The following EYS variants were observed in gnomAD, a reference collection of about 807,000 sequenced individuals.
EYS encodes the protein EGF-like photoreceptor maintenance factor.
Under a neutral mutation model 282.1 loss-of-function variants are expected in EYS, and 250 were observed. The observed-to-expected ratio is 0.89, with a 90% confidence interval of 0.80 to 0.98. The LOEUF is 0.98. Among genes scored for constraint, EYS ranks in the 50% least tolerant of loss-of-function variants. The pLI is 0.00. For synonymous variants in EYS, 1,355 were observed against 1,282.9 expected, an observed-to-expected ratio of 1.06 and a Z score of -1.20; for missense variants, 4,016 against 3,709.0, an observed-to-expected ratio of 1.08 and a Z score of -2.15.
At chr6:65,580,597 A>ATTAATT (rs1764833837) in intron 2 of EYS, among the ~76,000 whole-genome samples, 1 of 152,094 alleles carries the variant, frequency 6.6e-6, no homozygotes, top group African/African-American at 2.4e-5. Flanking sequence ...GCATTCTTTG[A>ATTAATT]AGCAATTATT....
chr6:64,074,591 T>G (rs1294688197), intron 32 of EYS, among the ~76,000 whole-genome samples: 1 of 151,710 alleles, frequency 6.6e-6, no homozygotes, highest in South Asian at 2.1e-4. Flanking sequence ...CAATTTGAAT[T>G]GAGATCATTT....
At chr6:64,116,649 G>A (rs930724207) in intron 31 of EYS, among the ~76,000 whole-genome samples, 3 of 152,098 alleles carry the variant, frequency 2.0e-5, no homozygotes, top group Non-Finnish European at 4.4e-5. Flanking sequence ...CAGTTTGAAG[G>A]ACTGAAAGAT....
Position 65,495,278 on chromosome 6 carries a change from G to A in EYS, c.133C>T (p.Leu45=), listed in dbSNP as rs45611538. Residue 45 remains leucine (L), a synonymous_variant, in exon 4 of 43, where the codon CTA becomes TTA. Coordinates refer to ENST00000503581, the MANE Select transcript of EYS (RefSeq NM_001142800.2). ...AAGTCCAAGCAGATGTTTTCTGTTAGTGTCCAATTTACCACATATGATGAG... is the reference window on the plus strand; with the variant it reads ...AAGTCCAAGCAGATGTTTTCTGTTAATGTCCAATTTACCACATATGATGAG... ...QPSSYVVNWT[L]TENICLDFYR... 17 of 1,614,144 alleles carry A rather than the reference G, an allele frequency of 1.1e-5. No individual in the cohort carries two copies. Among genetic ancestry groups the A allele is most frequent in the Non-Finnish European group, 1.4e-5 (16 of 1,180,022 alleles).
At chr6:65,320,261 A>T (rs1351243851) in intron 11 of EYS, among the ~76,000 whole-genome samples, 2 of 151,736 alleles carry the variant, frequency 1.3e-5, no homozygotes, top group African/African-American at 4.8e-5. Context: ...TCCAAAAGGA[A>T]TAGAAAGTGC....
At chr6:65,599,808 G>A (rs541916818) in intron 2 of EYS, among the ~76,000 whole-genome samples, 184 of 152,100 alleles carry the variant, frequency 1.2e-3, no homozygotes, top group Middle Eastern at 3.4e-3. Context: ...GGGTTGGGGG[G>A]ATAAATGGAA....
At chr6:65,596,008 A>C (rs1765391947) in intron 2 of EYS, among the ~76,000 whole-genome samples, 1 of 152,036 alleles carries the variant, frequency 6.6e-6, no homozygotes, top group Non-Finnish European at 1.5e-5. Context: ...CACCCCTATG[A>C]GGAGAGAGGT....
At position 65,270,683 on chromosome 6, in the gene EYS, G is replaced by A. The variant is rs549852957; in HGVS notation, c.2023+25180C>T. Among the ~76,000 whole-genome samples the A allele has an allele frequency of 3.0e-3, 453 of 152,074 alleles. 5 individuals carry two copies. The highest frequency in any genetic ancestry group is 2.3e-3 in the Non-Finnish European group (158 of 68,006). ...AAGCACTTCTTCAACATTTTGCTGAGAAGTTTCTTCAATTAAATATTAATT... is the reference window on the plus strand; with the variant it reads ...AAGCACTTCTTCAACATTTTGCTGAAAAGTTTCTTCAATTAAATATTAATT... On this transcript the variant is annotated intron_variant, in intron 12 of 42. Transcript: ENST00000503581.
At chr6:64,740,372 T>A (rs1417908214) in intron 22 of EYS, among the ~76,000 whole-genome samples, 1 of 152,188 alleles carries the variant, frequency 6.6e-6, no homozygotes, top group Non-Finnish European at 1.5e-5. Flanking sequence ...TGATTATTAG[T>A]TTCTTGTATT....
At chr6:65,047,061 C>T (rs1773124408) in intron 13 of EYS, among the ~76,000 whole-genome samples, 1 of 151,668 alleles carries the variant, frequency 6.6e-6, no homozygotes, top group Non-Finnish European at 1.5e-5. Flanking sequence ...GCCATCCCTC[C>T]TGTACAGCCT....
At chr6:64,190,098 T>C (rs939190332) in intron 31 of EYS, among the ~76,000 whole-genome samples, 3 of 151,724 alleles carry the variant, frequency 2.0e-5, no homozygotes, top group Admixed American at 1.3e-4. Flanking sequence ...TAGGATGGAG[T>C]GGAGACAGAT....
intron 26 of EYS, among the ~76,000 whole-genome samples, chr6:64,557,218 A>ACG (rs1491488181): frequency 5.2e-3 from 1 of 192 alleles, no homozygotes; most frequent in Non-Finnish European, 0.014. Flanking sequence ...ACACACACAT[A>ACG]CACACACACA....
Position 65,574,426 on chromosome 6 carries a change from T to C in EYS, c.-333+65352A>G, listed in dbSNP as rs373000844. Among the ~76,000 whole-genome samples the C allele has an allele frequency of 1.2e-4, 19 of 152,120 alleles. No individual in the cohort carries two copies. The South Asian group carries it at 3.7e-3, about 30-fold the overall frequency. On this transcript the variant is annotated intron_variant, in intron 2 of 42. Transcript: ENST00000503581. ...TGTATGTACACTGAGAGTGAAAGAATGGAAAAGATATTCTATGCAAGTGGA... is the reference window on the plus strand; with the variant it reads ...TGTATGTACACTGAGAGTGAAAGAACGGAAAAGATATTCTATGCAAGTGGA...
chr6:64,526,410 A>C (rs1485185625), intron 26 of EYS, among the ~76,000 whole-genome samples: 1 of 151,818 alleles, frequency 6.6e-6, no homozygotes, highest in Non-Finnish European at 1.5e-5. Flanking sequence ...ATCTCAAAGT[A>C]AAAAAGTTTA....
chr6:65,048,670 A>G (rs1773177229), intron 13 of EYS, among the ~76,000 whole-genome samples: 1 of 151,850 alleles, frequency 6.6e-6, no homozygotes, highest in Non-Finnish European at 1.5e-5. Flanking sequence ...ATAATTTACA[A>G]TCTGACAGAT....
chr6:64,965,149 GA>G (rs1770050448), intron 14 of EYS, among the ~76,000 whole-genome samples: 1 of 152,058 alleles, frequency 6.6e-6, no homozygotes, highest in Admixed American at 6.6e-5. Flanking sequence ...TTGAAGCACA[GA>G]AAATTCATGT....
At chr6:64,592,079 T>C (rs556884881) in intron 25 of EYS, 90 bp from the exon 26 acceptor site, 6 of 827,152 alleles carry the variant, frequency 7.3e-6, no homozygotes, top group African/African-American at 1.7e-5. Context: ...CAAATTGCAC[T>C]GGCACCTTAC....
At chr6:64,988,038 T>C (rs1376865286) in intron 14 of EYS, among the ~76,000 whole-genome samples, 2 of 151,476 alleles carry the variant, frequency 1.3e-5, no homozygotes, top group Non-Finnish European at 3.0e-5. Flanking sequence ...GAGTTTTTGT[T>C]TCAGGCTTTT....
intron 22 of EYS, among the ~76,000 whole-genome samples, chr6:64,784,864 TCA>T (rs1293163972): frequency 3.3e-5 from 5 of 152,296 alleles, no homozygotes; most frequent in African/African-American, 1.2e-4. Context: ...GGTCTCCAGT[TCA>T]CAGATTGTAC....
chr6:63,972,444 A>C (rs1392419178), intron 35 of EYS, among the ~76,000 whole-genome samples: 1 of 152,232 alleles, frequency 6.6e-6, no homozygotes, highest in African/African-American at 2.4e-5. Context: ...GAGTAATCTA[A>C]AATGATGAAG....
Sources: allele counts gnomAD v4.1 joint callset (sites outside exome capture counted in the v4.1 genomes callset), GRCh38; gene constraint gnomAD v4.1.1; transcripts MANE v1.5; gene names NCBI Gene and HGNC (gene_info 2026-07-23, HGNC 2026-07-21).